The following MAML2 variants were observed in gnomAD, a reference collection of about 807,000 sequenced individuals.
MAML2 encodes mastermind like transcriptional coactivator 2.
In MAML2, 22 loss-of-function variants were observed where a neutral mutation model predicts 96.1. That is an observed-to-expected ratio of 0.23 (90% CI 0.16 to 0.33). MAML2 has a LOEUF of 0.33. Among genes scored for constraint, MAML2 ranks in the 10% least tolerant of loss-of-function variants. The probability of loss-of-function intolerance (pLI) is 1.00; values close to 1 mark genes in which losing one functional copy is unlikely to be tolerated. For missense variants in MAML2, 1,367 were observed against 1,392.4 expected (o/e 0.98, Z 0.29); for synonymous variants, 561 against 521.3 (o/e 1.08, Z -1.04).
intron 1 of MAML2, among the ~76,000 whole-genome samples, chr11:96,278,234 A>C (rs1403095977): frequency 6.6e-6 from 1 of 152,116 alleles, no homozygotes; most frequent in Non-Finnish European, 1.5e-5. Flanking sequence ...CTAAGGGGGA[A>C]AAAAAGGAAC....
intron 4 of MAML2, among the ~76,000 whole-genome samples, chr11:95,984,880 T>C (rs994340069): frequency 1.3e-5 from 2 of 152,182 alleles, no homozygotes; most frequent in Admixed American, 6.5e-5. Context: ...AGTTGCTGAA[T>C]AGGAGAAGGC....
At chr11:96,015,308 T>C (rs888265231) in intron 2 of MAML2, among the ~76,000 whole-genome samples, 2 of 152,168 alleles carry the variant, frequency 1.3e-5, no homozygotes, top group Non-Finnish European at 2.9e-5. Flanking sequence ...AGGAGTAATA[T>C]GACGTTGAAT....
intron 1 of MAML2, among the ~76,000 whole-genome samples, chr11:96,303,045 T>A (rs1352530313): frequency 1.3e-5 from 2 of 152,184 alleles, no homozygotes; most frequent in Non-Finnish European, 2.9e-5. Flanking sequence ...TTAGTACAGC[T>A]CCTGAAAGAT....
intron 2 of MAML2, among the ~76,000 whole-genome samples, chr11:96,082,678 C>T (rs1339704930): frequency 6.6e-6 from 1 of 152,230 alleles, no homozygotes; most frequent in Non-Finnish European, 1.5e-5. Context: ...TTACTGGCCT[C>T]ATCCCTAAGG....
At chr11:96,152,795 T>C (rs1244897349) in intron 1 of MAML2, among the ~76,000 whole-genome samples, 1 of 152,188 alleles carries the variant, frequency 6.6e-6, no homozygotes, top group Non-Finnish European at 1.5e-5. Context: ...ACCAATGTAG[T>C]TTAACAATGC....
intron 1 of MAML2, among the ~76,000 whole-genome samples, chr11:96,205,721 T>C (rs1286105941): frequency 6.6e-6 from 1 of 152,228 alleles, no homozygotes; most frequent in African/African-American, 2.4e-5. Flanking sequence ...CTCTTCTAAC[T>C]GATGGGACTG....
intron 1 of MAML2, among the ~76,000 whole-genome samples, chr11:96,189,072 T>A (rs1315550593): frequency 6.6e-6 from 1 of 152,020 alleles, no homozygotes; most frequent in Non-Finnish European, 1.5e-5. Flanking sequence ...CTGTTTTGTT[T>A]TTTTTTTTCT....
chr11:96,072,990 T>A (rs1859371103), intron 2 of MAML2, among the ~76,000 whole-genome samples: 1 of 152,148 alleles, frequency 6.6e-6, no homozygotes. Flanking sequence ...CTATTGATAA[T>A]CATAAATTTC....
At chr11:96,250,383 C>T (rs895514804) in intron 1 of MAML2, among the ~76,000 whole-genome samples, 2 of 152,058 alleles carry the variant, frequency 1.3e-5, no homozygotes, top group Admixed American at 1.3e-4. Flanking sequence ...TCATTTCAAA[C>T]ATTTATCATT....
At chr11:96,061,817 TTTTC>T (rs1460032374) in intron 2 of MAML2, among the ~76,000 whole-genome samples, 23 of 152,178 alleles carry the variant, frequency 1.5e-4, no homozygotes, top group African/African-American at 5.5e-4. Flanking sequence ...ATATCTTAAT[TTTTC>T]TTTCTGTTAG....
intron 1 of MAML2, among the ~76,000 whole-genome samples, chr11:96,279,719 T>C (rs1411053981): frequency 6.6e-6 from 1 of 152,224 alleles, no homozygotes; most frequent in African/African-American, 2.4e-5. Flanking sequence ...ACCTACAGGT[T>C]TGGACAATCT....
chr11:96,211,099 T>C (rs1241661391), intron 1 of MAML2, among the ~76,000 whole-genome samples: 1 of 152,190 alleles, frequency 6.6e-6, no homozygotes, highest in East Asian at 1.9e-4. Context: ...GGTTAACTTT[T>C]AAAGAAATTT....
intron 2 of MAML2, among the ~76,000 whole-genome samples, chr11:96,002,686 G>A (rs368121537): frequency 1 from 139,525 of 140,128 alleles, 69,463 homozygotes; most frequent in Middle Eastern, 1. Context: ...TGATGGGGAT[G>A]GTGGGGAGCA....
intron 1 of MAML2, among the ~76,000 whole-genome samples, chr11:96,128,636 C>A (rs1841271459): frequency 6.6e-6 from 1 of 152,136 alleles, no homozygotes; most frequent in Non-Finnish European, 1.5e-5. Context: ...CTAGGGCTCT[C>A]CAATACCTTT....
At chr11:96,281,015 T>G (rs1863056493) in intron 1 of MAML2, among the ~76,000 whole-genome samples, 1 of 152,230 alleles carries the variant, frequency 6.6e-6, no homozygotes, top group Non-Finnish European at 1.5e-5. Flanking sequence ...AACAGTATTT[T>G]CCAATGTAGT....
intron 3 of MAML2, among the ~76,000 whole-genome samples, chr11:95,987,320 G>A (rs1857842705): frequency 6.6e-6 from 1 of 152,144 alleles, no homozygotes; most frequent in South Asian, 2.1e-4. Context: ...CTGTAGGATT[G>A]TTTATACCCA....
intron 1 of MAML2, among the ~76,000 whole-genome samples, chr11:96,142,167 C>T (rs990351907): frequency 1.3e-5 from 2 of 152,136 alleles, no homozygotes; most frequent in East Asian, 3.9e-4. Flanking sequence ...ATATGAGGGG[C>T]ACCTAACCCC....
At chr11:96,065,589 T>C (rs188199056) in intron 2 of MAML2, among the ~76,000 whole-genome samples, 98 of 152,388 alleles carry the variant, frequency 6.4e-4, no homozygotes, top group African/African-American at 2.1e-3. Flanking sequence ...AGGTCTTGTC[T>C]GATTCTGGGA....
chr11:96,320,693 T>G (rs1863688109), intron 1 of MAML2, among the ~76,000 whole-genome samples: 1 of 152,192 alleles, frequency 6.6e-6, no homozygotes, highest in Non-Finnish European at 1.5e-5. Context: ...GAGGTAGAGA[T>G]GTGTGTGTGT....
Sources: allele counts gnomAD v4.1 joint callset (sites outside exome capture counted in the v4.1 genomes callset), GRCh38; gene constraint gnomAD v4.1.1; transcripts MANE v1.5; gene names NCBI Gene and HGNC (gene_info 2026-07-23, HGNC 2026-07-21).